ADAM23: variants seen among roughly 807,000 people sequenced by gnomAD.
The protein encoded by ADAM23 is ADAM metallopeptidase domain 23.
Under a neutral mutation model 120.1 loss-of-function variants are expected in ADAM23, and 33 were observed. The observed-to-expected ratio is 0.27, with a 90% CI of 0.21 to 0.37. ADAM23 has a LOEUF of 0.37. ADAM23 is among the 10% of genes least tolerant of loss of function. The pLI is 1.00. For missense variants in ADAM23, 862 were observed against 1,058.2 expected, an observed-to-expected ratio of 0.81 and a Z score of 2.57; for synonymous variants, 367 against 375.2, an observed-to-expected ratio of 0.98 and a Z score of 0.25.
At chr2:206,525,014 G>C (rs1696915154) in intron 3 of ADAM23, among the ~76,000 whole-genome samples, 1 of 152,046 alleles carries the variant, frequency 6.6e-6, no homozygotes. Flanking sequence ...TGGCCTTTAG[G>C]TAGGGTGACC....
In ADAM23 at chr2:206,445,466, C is replaced by T. The variant is rs777350226; in HGVS notation, c.374C>T (p.Ser125Leu). 4.7e-5 allele frequency: 76 copies of T among 1,613,954 alleles called. No individual in the cohort carries two copies. The East Asian group carries it at 6.9e-4, about 15-fold the overall frequency. The change falls in exon 2 of 26, where the codon TCG (serine) becomes TTG (leucine). Residue 125 changes from serine to leucine, a missense_variant. Physicochemically the swap from Ser to Leu is moderately radical, Grantham distance 145 (BLOSUM62 -2). Around this residue, in one of 4 missense-constraint regions of ADAM23, gnomAD observed 225 missense variants for 204.0 expected, o/e 1.10. Coordinates refer to ENST00000264377, the MANE Select transcript of ADAM23 (RefSeq NM_003812.4). ...CTCATATATTACATCAACCAAGACT[C>T]GGAAAGCCCTTATCACGTTCTTGAC... ...SRLIYYINQD[S>L]ESPYHVLDTK...
In ADAM23 at chr2:206,609,897, T is replaced by A; in HGVS notation, c.2360-13T>A. 1 of 1,593,914 alleles carries A rather than the reference T, an allele frequency of 6.3e-7. No homozygotes were observed. Among genetic ancestry groups the A allele is most frequent in the Non-Finnish European group, 8.5e-7 (1 of 1,172,620 alleles). The stretch of plus-strand genomic sequence containing the variant: ...GGTTCATATGACTCTCTTCCCATGA[T>A]CCTTTGTCACAGGTCCTAGTGCCAC... On this transcript the variant is annotated splice_polypyrimidine_tract_variant and intron_variant, in intron 24 of 25. Transcript: ENST00000264377.
chr2:206,485,795 T>C (rs962569947), intron 3 of ADAM23, among the ~76,000 whole-genome samples: 2 of 151,934 alleles, frequency 1.3e-5, no homozygotes, highest in Non-Finnish European at 2.9e-5. Flanking sequence ...TAAAGACATA[T>C]AGGATGGAGA....
intron 5 of ADAM23, among the ~76,000 whole-genome samples, chr2:206,542,577 AG>A (rs940893110): frequency 1.4e-4 from 22 of 152,088 alleles, no homozygotes; most frequent in Non-Finnish European, 2.4e-4. Context: ...ACATTGACCT[AG>A]GGGTGGGCTC....
At chr2:206,554,465 T>G (rs1407600581) in intron 9 of ADAM23, among the ~76,000 whole-genome samples, 1 of 152,230 alleles carries the variant, frequency 6.6e-6, no homozygotes, top group Non-Finnish European at 1.5e-5. Context: ...TGCTACATAC[T>G]TAACTATGCG....
chr2:206,509,856 G>A (rs55833025), intron 3 of ADAM23, among the ~76,000 whole-genome samples: 23,025 of 152,218 alleles, frequency 0.15, 1,871 homozygotes, highest in Admixed American at 0.22. Flanking sequence ...TTTATGTAAT[G>A]AAGACAAGTA....
At chr2:206,566,229 T>A (rs1697875329) in intron 14 of ADAM23, among the ~76,000 whole-genome samples, 1 of 149,550 alleles carries the variant, frequency 6.7e-6, no homozygotes. Flanking sequence ...ATATAAAATG[T>A]TTTAAATAAG....
intron 3 of ADAM23, among the ~76,000 whole-genome samples, chr2:206,511,301 A>G (rs1005096557): frequency 3.3e-5 from 5 of 152,042 alleles, no homozygotes; most frequent in African/African-American, 9.7e-5. Flanking sequence ...CTGTTTTCTT[A>G]TGATGCATAT....
At chr2:206,547,239 G>A (rs1403040700) in intron 6 of ADAM23, among the ~76,000 whole-genome samples, 190 bp from the exon 7 acceptor site, 1 of 152,022 alleles carries the variant, frequency 6.6e-6, no homozygotes, top group Non-Finnish European at 1.5e-5. Context: ...TCTAAACTGG[G>A]GCAATTAGAT....
At chr2:206,553,211 C>T (rs1169293869) in intron 9 of ADAM23, among the ~76,000 whole-genome samples, 1 of 152,084 alleles carries the variant, frequency 6.6e-6, no homozygotes. Flanking sequence ...AACCCCATTT[C>T]TACTAAAATA....
At chr2:206,540,216 T>TACACACACACACACACAC (rs71034461) in intron 4 of ADAM23, among the ~76,000 whole-genome samples, 75 of 131,928 alleles carry the variant, frequency 5.7e-4, no homozygotes, top group African/African-American at 1.9e-3. Flanking sequence ...CCCTTCACTG[T>TACACACACACACACACAC]ACACACACAC....
At chr2:206,568,734 A>T (rs1016090288) in intron 15 of ADAM23, among the ~76,000 whole-genome samples, 1 of 152,258 alleles carries the variant, frequency 6.6e-6, no homozygotes, top group Admixed American at 6.5e-5. Context: ...ATACTACTTC[A>T]TGAGTCAAAT....
intron 3 of ADAM23, among the ~76,000 whole-genome samples, chr2:206,484,709 AGCTGCACTCAAGT>A (rs1695970484): frequency 6.6e-6 from 1 of 152,142 alleles, no homozygotes; most frequent in Admixed American, 6.5e-5. Flanking sequence ...AGGCCATGAG[AGCTGCACTCAAGT>A]GCTATCTCCC....
intron 3 of ADAM23, among the ~76,000 whole-genome samples, chr2:206,519,177 A>T (rs1229776551): frequency 6.6e-6 from 1 of 152,186 alleles, no homozygotes; most frequent in Non-Finnish European, 1.5e-5. Context: ...CTGTGACAGG[A>T]TATGACAGCA....
At chr2:206,577,559 AG>A (rs1195027938) in intron 18 of ADAM23, among the ~76,000 whole-genome samples, 43 of 135,830 alleles carry the variant, frequency 3.2e-4, no homozygotes, top group Non-Finnish European at 4.4e-4. Context: ...GATGATTTCC[AG>A]TTTCATCCAT....
chr2:206,473,341 C>T (rs759665977), intron 2 of ADAM23, among the ~76,000 whole-genome samples: 2 of 152,134 alleles, frequency 1.3e-5, no homozygotes, highest in Non-Finnish European at 2.9e-5. Context: ...CAGCTCTCTC[C>T]AGCCCCCAGC....
At chr2:206,583,347 A>G (rs1698256905) in intron 18 of ADAM23, among the ~76,000 whole-genome samples, 1 of 151,876 alleles carries the variant, frequency 6.6e-6, no homozygotes, top group East Asian at 1.9e-4. Flanking sequence ...CCAGCTACTC[A>G]GGAGGCTGAG....
chr2:206,519,111 C>G (rs545636814), intron 3 of ADAM23, among the ~76,000 whole-genome samples: 72 of 152,238 alleles, frequency 4.7e-4, no homozygotes, highest in African/African-American at 1.7e-3. Flanking sequence ...TTAGTTACTT[C>G]TCTGAGATCT....
intron 4 of ADAM23, among the ~76,000 whole-genome samples, chr2:206,541,424 T>C (rs2105806468): frequency 6.6e-6 from 1 of 152,152 alleles, no homozygotes; most frequent in East Asian, 1.9e-4. Context: ...TAAAATGGAA[T>C]TAGTCAGAAC....
Sources: allele counts gnomAD v4.1 joint callset (sites outside exome capture counted in the v4.1 genomes callset), GRCh38; gene constraint gnomAD v4.1.1; regional missense constraint gnomAD v4.1.1; transcripts MANE v1.5; gene names NCBI Gene and HGNC (gene_info 2026-07-23, HGNC 2026-07-21).